The following SPRED1 variants were observed in gnomAD, a reference collection of about 807,000 sequenced individuals.
The protein encoded by SPRED1 is sprouty-related, EVH1 domain-containing protein 1.
A neutral mutation model predicts 52.3 loss-of-function variants in SPRED1; 18 were observed. The observed-to-expected ratio is 0.34, with a 90% confidence interval of 0.24 to 0.51. The LOEUF (loss-of-function observed/expected upper bound fraction) is 0.51. Ranked by LOEUF, SPRED1 falls within the 20% of genes least tolerant of loss-of-function variation. The pLI is 0.97. For missense variants in SPRED1, 485 were observed against 551.0 expected (o/e 0.88, Z 1.20); for synonymous variants, 155 against 179.7 (o/e 0.86, Z 1.10).
chr15:38,324,565 G>A (rs1895672185), intron 3 of SPRED1, among the ~76,000 whole-genome samples, 198 bp from the exon 4 acceptor site: 1 of 152,144 alleles, frequency 6.6e-6, no homozygotes, highest in Admixed American at 6.5e-5. Context: ...TTTACCTATA[G>A]AGGAGGGAAA....
intron 1 of SPRED1, among the ~76,000 whole-genome samples, chr15:38,266,315 C>T (rs185202651): frequency 1.8e-4 from 27 of 152,178 alleles, no homozygotes; most frequent in Middle Eastern, 3.4e-3. Flanking sequence ...AACTTAGTAA[C>T]AGTTAAGAAC....
At position 38,351,444 on chromosome 15, in the gene SPRED1, C is replaced by T; in HGVS notation, c.1115C>T (p.Ala372Val). 6.2e-7 allele frequency: 1 copy of T among 1,614,098 alleles called. No individual in the cohort carries two copies. The highest frequency in any genetic ancestry group is 1.3e-5 in the African/African-American group (1 of 75,030). Residue 372 changes from alanine (A) to valine (V), a missense_variant, in exon 7 of 7, where the codon GCA (alanine) becomes GTA (valine). Coordinates refer to ENST00000299084, the MANE Select transcript of SPRED1 (RefSeq NM_152594.3). Reference protein sequence around the residue: ...CIYQVSCMLCAESMLYHCMSD... With the variant: ...CIYQVSCMLCVESMLYHCMSD... ...TATCAAGTTAGTTGCATGCTCTGTG[C>T]AGAGAGCATGTTGTATCATTGTATG...
At position 38,289,458 on chromosome 15, in the gene SPRED1, C is replaced by T. The variant is rs185325339; in HGVS notation, c.33-9915C>T. Among the ~76,000 whole-genome samples, 1,080 of 151,028 alleles carry T rather than the reference C, an allele frequency of 7.2e-3. 16 individuals are homozygous for T. Among genetic ancestry groups the T allele is most frequent in the Non-Finnish European group, 9.0e-3 (611 of 67,882 alleles). ...CCATTTGTGGTAGACAGAATATGTCCTGCCCCTCCCCAAAGATGGCCTTGC... is the reference window on the plus strand; with the variant it reads ...CCATTTGTGGTAGACAGAATATGTCTTGCCCCTCCCCAAAGATGGCCTTGC... On this transcript the variant is annotated intron_variant, in intron 1 of 6. Transcript: ENST00000299084.
intron 1 of SPRED1, among the ~76,000 whole-genome samples, chr15:38,286,858 AAAT>A (rs1240907617): frequency 1.3e-5 from 2 of 152,080 alleles, no homozygotes; most frequent in Non-Finnish European, 2.9e-5. Flanking sequence ...GACTTTGTAA[AAAT>A]AATGTTGTCC....
chr15:38,314,867 T>G (rs1342971859), intron 2 of SPRED1, among the ~76,000 whole-genome samples: 1 of 151,860 alleles, frequency 6.6e-6, no homozygotes, highest in African/African-American at 2.4e-5. Flanking sequence ...TTCTCCCTCC[T>G]TCCCTTCCTT....
intron 2 of SPRED1, among the ~76,000 whole-genome samples, chr15:38,318,259 G>A (rs938268683): frequency 2.9e-4 from 44 of 151,940 alleles, no homozygotes; most frequent in Non-Finnish European, 6.2e-4. Flanking sequence ...ATAGATAGAC[G>A]TAAACAAGTT....
intron 1 of SPRED1, among the ~76,000 whole-genome samples, chr15:38,270,618 C>G (rs1745352735): frequency 6.6e-6 from 1 of 152,106 alleles, no homozygotes; most frequent in Non-Finnish European, 1.5e-5. Flanking sequence ...ACACTTCAAA[C>G]AACTAGATGA....
At chr15:38,336,478 T>TTA (rs1895925350) in intron 4 of SPRED1, among the ~76,000 whole-genome samples, 1 of 146,964 alleles carries the variant, frequency 6.8e-6, no homozygotes, top group Admixed American at 6.9e-5. Context: ...TATATATATG[T>TTA]TATATATATT....
chr15:38,257,942 C>G (rs1050839425), intron 1 of SPRED1, among the ~76,000 whole-genome samples: 2 of 152,304 alleles, frequency 1.3e-5, no homozygotes, highest in Admixed American at 6.5e-5. Context: ...CTTGACTAGT[C>G]TTACCCAGTT....
At chr15:38,275,113 AT>A (rs1053920676) in intron 1 of SPRED1, among the ~76,000 whole-genome samples, 1 of 152,060 alleles carries the variant, frequency 6.6e-6, no homozygotes, top group African/African-American at 2.4e-5. Context: ...TTGCCAAATG[AT>A]TTTTTTTCTA....
intron 2 of SPRED1, among the ~76,000 whole-genome samples, chr15:38,320,826 T>G (rs1461290298): frequency 6.6e-6 from 1 of 152,204 alleles, no homozygotes; most frequent in African/African-American, 2.4e-5. Flanking sequence ...TATATCCACT[T>G]TTGTTTTATT....
chr15:38,273,115 A>G (rs1742700765), intron 1 of SPRED1, among the ~76,000 whole-genome samples: 1 of 152,162 alleles, frequency 6.6e-6, no homozygotes, highest in African/African-American at 2.4e-5. Context: ...CATGTCCTGA[A>G]TGGTGATTTC....
At chr15:38,299,022 A>G (rs1310453079) in intron 1 of SPRED1, among the ~76,000 whole-genome samples, 1 of 152,164 alleles carries the variant, frequency 6.6e-6, no homozygotes, top group African/African-American at 2.4e-5. Flanking sequence ...ACATATATAG[A>G]CAAGTTTTAT....
intron 2 of SPRED1, among the ~76,000 whole-genome samples, chr15:38,321,380 C>G (rs1162206074): frequency 6.6e-6 from 1 of 152,054 alleles, no homozygotes; most frequent in Non-Finnish European, 1.5e-5. Context: ...AACATGAATG[C>G]ACATTCGGTC....
At chr15:38,324,652 A>G (rs1309441546) in intron 3 of SPRED1, 111 bp from the exon 4 acceptor site, 2 of 846,710 alleles carry the variant, frequency 2.4e-6, no homozygotes, top group East Asian at 2.7e-5. Flanking sequence ...CAGTCCAGAA[A>G]GATCTCTGAT....
intron 1 of SPRED1, among the ~76,000 whole-genome samples, chr15:38,265,827 G>A (rs74800982): frequency 0.012 from 1,762 of 151,922 alleles, 34 homozygotes; most frequent in African/African-American, 0.037. Flanking sequence ...ATCTATTTTC[G>A]TGGGAGAGAA....
intron 2 of SPRED1, among the ~76,000 whole-genome samples, chr15:38,315,492 G>A (rs910872993): frequency 4.6e-5 from 7 of 151,988 alleles, no homozygotes; most frequent in East Asian, 1.9e-4. Context: ...GTTATTTTAC[G>A]ATGGGAGTTT....
At chr15:38,330,541 G>A (rs1195880662) in intron 4 of SPRED1, among the ~76,000 whole-genome samples, 1 of 152,012 alleles carries the variant, frequency 6.6e-6, no homozygotes, top group Admixed American at 6.6e-5. Context: ...TGGAATTAGA[G>A]TAATTTTTTT....
chr15:38,292,343 T>G (rs934883577), intron 1 of SPRED1, among the ~76,000 whole-genome samples: 6 of 152,238 alleles, frequency 3.9e-5, no homozygotes, highest in African/African-American at 1.4e-4. Context: ...AAACTCTGCC[T>G]GTTACCCAGT....
Sources: gnomAD v4.1 joint callset for allele counts (sites outside exome capture counted in the v4.1 genomes callset) on GRCh38, gnomAD v4.1.1 for gene constraint, MANE v1.5 for transcripts, NCBI Gene and HGNC (gene_info 2026-07-23, HGNC 2026-07-21) for gene names.